The following SLC7A9 variants were observed in gnomAD, a reference collection of about 807,000 sequenced individuals.
SLC7A9 encodes the protein solute carrier family 7 member 9.
In SLC7A9, 38 loss-of-function variants were observed where a neutral mutation model predicts 54.1. The observed-to-expected ratio is 0.70, with a 90% CI of 0.54 to 0.92. The LOEUF is 0.92. SLC7A9 is among the 40% of genes least tolerant of loss of function. The pLI is 0.00. For missense variants in SLC7A9, 537 were observed against 636.1 expected (o/e 0.84, Z 1.68); for synonymous variants, 264 against 258.9 (o/e 1.02, Z -0.19).
intron 7 of SLC7A9, chr19:32,860,292 C>T: frequency 3.6e-6 from 5 of 1,395,576 alleles, no homozygotes; most frequent in Non-Finnish European, 3.7e-6. Flanking sequence ...TGCAGTGGCT[C>T]ACACCTGTAA....
intron 2 of SLC7A9, 24 bp from the exon 3 acceptor site, chr19:32,864,800 G>A: frequency 1.2e-6 from 2 of 1,613,914 alleles, no homozygotes; most frequent in South Asian, 2.2e-5. Flanking sequence ...AAGGAAGAGG[G>A]CGTTAGTGCC....
At chr19:32,843,143 G>T (rs1968177249) in intron 10 of SLC7A9, among the ~76,000 whole-genome samples, 1 of 152,126 alleles carries the variant, frequency 6.6e-6, no homozygotes, top group Non-Finnish European at 1.5e-5. Context: ...CATGCACCAT[G>T]GAGAAGCTCC....
intron 9 of SLC7A9, among the ~76,000 whole-genome samples, chr19:32,846,738 C>T (rs1199558974): frequency 6.6e-6 from 1 of 152,192 alleles, no homozygotes; most frequent in African/African-American, 2.4e-5. Context: ...GGTCCCTGAC[C>T]CCCCAGCAGC....
At chr19:32,868,971 G>A (rs1287707916) in intron 1 of SLC7A9, among the ~76,000 whole-genome samples, 1 of 151,860 alleles carries the variant, frequency 6.6e-6, no homozygotes, top group Non-Finnish European at 1.5e-5. Context: ...CACTTTCGGA[G>A]GCCGAGGTGG....
intron 3 of SLC7A9, 89 bp from the exon 4 acceptor site, chr19:32,864,427 G>C (rs958694709): frequency 2.6e-5 from 41 of 1,580,064 alleles, no homozygotes; most frequent in Non-Finnish European, 2.7e-5. Flanking sequence ...GGCTGCGCTC[G>C]TATGGAGGGG....
chr19:32,860,159 A>C, intron 7 of SLC7A9, 195 bp from the exon 8 acceptor site: 1 of 1,519,828 alleles, frequency 6.6e-7, no homozygotes, highest in African/African-American at 1.4e-5. Context: ...TTATAAAGCA[A>C]AATAAGCCAG....
At chr19:32,842,597 T>TTTTTTTGTTTTG (rs1555782202) in intron 10 of SLC7A9, among the ~76,000 whole-genome samples, 1 of 148,998 alleles carries the variant, frequency 6.7e-6, no homozygotes, top group African/African-American at 2.5e-5. Context: ...ACTGTGGGTT[T>TTTTTTTGTTTTG]TTTTGTTTTG....
At position 32,858,660 on chromosome 19, in the gene SLC7A9, C is replaced by T. The variant is rs1057447300; in HGVS notation, c.874-117G>A. On this transcript the variant is annotated intron_variant, in intron 8 of 12. Transcript: ENST00000023064. ...CAGGGACCCACCTCGCCTCGGGGCA[C>T]AGCCTCTGACTCCTCCACTGCAGAG... 358 of 725,760 alleles carry T rather than the reference C, an allele frequency of 4.9e-4. 1 individual carries two copies. The highest frequency in any genetic ancestry group is 9.6e-4 in the Middle Eastern group (3 of 3,124). The allele number at this position is 725,760 out of a possible 1,614,324, so 45.0% of individuals were successfully genotyped here.
chr19:32,846,452 C>T (rs577803434), intron 9 of SLC7A9, among the ~76,000 whole-genome samples: 109 of 152,208 alleles, frequency 7.2e-4, no homozygotes, highest in African/African-American at 2.3e-3. Context: ...AACTGCAAGG[C>T]GGCAGCGAGG....
chr19:32,842,773 C>T (rs536338405), intron 10 of SLC7A9, among the ~76,000 whole-genome samples: 19 of 151,940 alleles, frequency 1.3e-4, no homozygotes, highest in East Asian at 5.8e-4. Flanking sequence ...CCACCACACC[C>T]GGCTAATTTT....
At chr19:32,841,196 T>A (rs1968117353) in intron 11 of SLC7A9, among the ~76,000 whole-genome samples, 1 of 152,222 alleles carries the variant, frequency 6.6e-6, no homozygotes, top group African/African-American at 2.4e-5. Context: ...TCCTAGTTAC[T>A]TAAGCCCTCA....
chr19:32,855,539 A>T (rs1201285089), intron 9 of SLC7A9, among the ~76,000 whole-genome samples: 3 of 152,006 alleles, frequency 2.0e-5, no homozygotes, highest in Non-Finnish European at 2.9e-5. Context: ...CTCTACTAAA[A>T]ATACAAAAAA....
intron 10 of SLC7A9, 117 bp downstream of exon 10, chr19:32,843,738 T>C: frequency 4.1e-6 from 3 of 739,204 alleles, no homozygotes; most frequent in Non-Finnish European, 7.4e-6. Context: ...TCTTTCTATA[T>C]CTGTTTCATA....
At chr19:32,868,284 GAAGT>G (rs1444078847) in intron 2 of SLC7A9, among the ~76,000 whole-genome samples, 160 bp downstream of exon 2, 1 of 150,776 alleles carries the variant, frequency 6.6e-6, no homozygotes, top group African/African-American at 2.4e-5. Context: ...GAGGGAAAGA[GAAGT>G]AAGTCCAGAG....
chr19:32,856,870 C>T lies in SLC7A9; in HGVS notation c.977+1570G>A, dbSNP rs191576212. Among the ~76,000 whole-genome samples, 611 of 152,114 alleles carry T rather than the reference C, an allele frequency of 4.0e-3. 4 individuals carry two copies. Among genetic ancestry groups the T allele is most frequent in the African/African-American group, 0.014 (593 of 41,510 alleles). On this transcript the variant is annotated intron_variant, in intron 9 of 12. Transcript: ENST00000023064. ...TATTATTTGTCAATTTAAAATAAGG[C>T]GGCCGGGTGTGGTGGCTCACACCTG...
At chr19:32,842,097 C>T in intron 11 of SLC7A9, 71 bp downstream of exon 11, 3 of 1,453,166 alleles carry the variant, frequency 2.1e-6, no homozygotes, top group Non-Finnish European at 2.9e-6. Context: ...ATGCCCCTAG[C>T]ATTTGAAAGA....
chr19:32,846,498 T>C (rs1968300511), intron 9 of SLC7A9, among the ~76,000 whole-genome samples: 1 of 152,056 alleles, frequency 6.6e-6, no homozygotes, highest in Non-Finnish European at 1.5e-5. Flanking sequence ...CCAGGCTTGA[T>C]TAGGTAAACA....
At chr19:32,848,432 G>C (rs1469034357) in intron 9 of SLC7A9, among the ~76,000 whole-genome samples, 1 of 148,978 alleles carries the variant, frequency 6.7e-6, no homozygotes, top group African/African-American at 2.5e-5. Flanking sequence ...GATCAAAAGA[G>C]ACAAGGCCAT....
intron 6 of SLC7A9, 36 bp downstream of exon 6, chr19:32,862,082 C>A: frequency 7.0e-7 from 1 of 1,423,540 alleles, no homozygotes; most frequent in Non-Finnish European, 9.9e-7. Flanking sequence ...AGAACCCCAC[C>A]CACCCCCAGA....
Sources: gnomAD v4.1 joint callset for allele counts (sites outside exome capture counted in the v4.1 genomes callset) on GRCh38, gnomAD v4.1.1 for gene constraint, MANE v1.5 for transcripts, NCBI Gene and HGNC (gene_info 2026-07-23, HGNC 2026-07-21) for gene names.